The following ARMC9 variants were observed in gnomAD, a reference collection of about 807,000 sequenced individuals.
The protein encoded by ARMC9 is lisH domain-containing protein ARMC9.
In ARMC9, 94 loss-of-function variants were observed where a neutral mutation model predicts 107.0. That is an observed-to-expected ratio of 0.88 (90% CI 0.74 to 1.04). ARMC9 has a LOEUF of 1.04. Ranked by LOEUF, ARMC9 falls within the 50% of genes least tolerant of loss-of-function variation. The pLI is 0.00. For synonymous variants in ARMC9, 380 were observed against 396.9 expected, an observed-to-expected ratio of 0.96 and a Z score of 0.51; for missense variants, 942 against 1,030.1, an observed-to-expected ratio of 0.91 and a Z score of 1.17.
At chr2:231,367,666 A>G (rs767157604) in intron 23 of ARMC9, among the ~76,000 whole-genome samples, 1 of 152,200 alleles carries the variant, frequency 6.6e-6, no homozygotes, top group Admixed American at 6.5e-5. Flanking sequence ...GGTAAATATT[A>G]TGGATATTTT....
At position 231,222,754 on chromosome 2, in the gene ARMC9, GAAGTT is replaced by G. The variant is rs2034271060; in HGVS notation, c.532_536del (p.Lys178AspfsTer9). On this transcript the variant is annotated frameshift_variant, in exon 6 of 25. Transcript: ENST00000611582. LOFTEE classifies it high-confidence loss of function. Reference sequence around the variant, plus strand: ...ATTCCTGGACTCCAGAGTTAAAGTTGAAGTTGATAAAGTTTCTAGCTTTAATATCT... The same window carrying G: ...ATTCCTGGACTCCAGAGTTAAAGTTGGATAAAGTTTCTAGCTTTAATATCT... 2.5e-6 allele frequency: 4 copies of G among 1,580,600 alleles called. No homozygotes were observed. The highest frequency in any genetic ancestry group is 1.7e-5 in the Admixed American group (1 of 59,192).
intron 4 of ARMC9, among the ~76,000 whole-genome samples, chr2:231,216,346 G>C (rs540161931): frequency 6.6e-6 from 1 of 152,312 alleles, no homozygotes; most frequent in East Asian, 1.9e-4. Flanking sequence ...GTTTTGTCCT[G>C]CCATTAAAAA....
chr2:231,273,144 A>G, intron 14 of ARMC9, 66 bp downstream of exon 14: 1 of 1,556,416 alleles, frequency 6.4e-7, no homozygotes, highest in Non-Finnish European at 8.7e-7. Context: ...TTCCCATGGC[A>G]ACCCAGGAGG....
At chr2:231,338,132 G>A (rs961208776) in intron 20 of ARMC9, among the ~76,000 whole-genome samples, 15 of 152,132 alleles carry the variant, frequency 9.9e-5, no homozygotes, top group East Asian at 7.7e-4. Context: ...CTTGGGAGGC[G>A]TCCTCTAAAA....
chr2:231,241,880 C>G (rs1480244962), intron 9 of ARMC9, among the ~76,000 whole-genome samples: 1 of 151,832 alleles, frequency 6.6e-6, no homozygotes, highest in Non-Finnish European at 1.5e-5. Context: ...GCAGTCTGTG[C>G]AAAAAGGGAA....
At chr2:231,303,231 GTTGTTTTGTT>G (rs58483943) in intron 19 of ARMC9, among the ~76,000 whole-genome samples, 162 of 152,022 alleles carry the variant, frequency 1.1e-3, no homozygotes, top group Non-Finnish European at 1.5e-3. Flanking sequence ...GTTTGTTTGG[GTTGTTTTGTT>G]TTGTTTTGTT....
chr2:231,337,288 ATATTTTTTT>A (rs2125568370), intron 20 of ARMC9, among the ~76,000 whole-genome samples: 1 of 52,306 alleles, frequency 1.9e-5, no homozygotes, highest in African/African-American at 7.6e-5. Context: ...ATATATATAT[ATATTTTTTT>A]TTTTTTTTTT....
At position 231,284,078 on chromosome 2, in the gene ARMC9, A is replaced by G. The variant is rs2040412274; in HGVS notation, c.1626+1945A>G. On this transcript the variant is annotated intron_variant, in intron 17 of 24. Coordinates refer to ENST00000611582, the MANE Select transcript of ARMC9 (RefSeq NM_001352754.2). ...GTAACAACATTTTGGTCAACAAAAG[A>G]CTGCATATGTGATAATGGTCCAATA... Among the ~76,000 whole-genome samples the G allele has an allele frequency of 2.0e-5, 3 of 152,222 alleles. No individual in the cohort carries two copies. In the South Asian group the frequency reaches 6.2e-4, roughly 32 times the overall value.
In ARMC9 at chr2:231,345,041, C is replaced by A; in HGVS notation, c.1945C>A (p.Pro649Thr). 6.2e-7 allele frequency: 1 copy of A among 1,613,936 alleles called. No homozygotes were observed. The change falls in exon 21 of 25, where the codon CCC (proline) becomes ACC (threonine). Residue 649 changes from proline to threonine, a missense_variant. Physicochemically the swap from Pro to Thr is conservative, Grantham distance 38 (BLOSUM62 -1). Coordinates refer to ENST00000611582, the MANE Select transcript of ARMC9 (RefSeq NM_001352754.2). Reference sequence around the variant, plus strand: ...TAATGTGCAGTGGAGCGGGGATGAGCCCCTGCAAAGGCCCGTCACCCCCGG... The same window carrying A: ...TAATGTGCAGTGGAGCGGGGATGAGACCCTGCAAAGGCCCGTCACCCCCGG... Reference protein sequence around the residue: ...LANVQWSGDEPLQRPVTPGGH... With the variant: ...LANVQWSGDETLQRPVTPGGH...
At chr2:231,316,613 C>T (rs2042696176) in intron 19 of ARMC9, among the ~76,000 whole-genome samples, 1 of 148,522 alleles carries the variant, frequency 6.7e-6, no homozygotes. Context: ...TGCAATGAGC[C>T]GAGATCATAC....
At chr2:231,222,348 C>G (rs1426536802) in intron 5 of ARMC9, among the ~76,000 whole-genome samples, 3 of 152,232 alleles carry the variant, frequency 2.0e-5, no homozygotes, top group East Asian at 3.9e-4. Flanking sequence ...CTCTCAGTAA[C>G]TTAGTGATAA....
At chr2:231,355,739 CGGCAG>C in intron 21 of ARMC9, 54 bp from the exon 22 acceptor site, 1 of 1,485,964 alleles carries the variant, frequency 6.7e-7, no homozygotes, top group African/African-American at 1.4e-5. Flanking sequence ...AGTCGGCAGT[CGGCAG>C]TCCGAATCTC....
chr2:231,370,182 G>C, intron 24 of ARMC9, 57 bp downstream of exon 24: 1 of 1,451,220 alleles, frequency 6.9e-7, no homozygotes, highest in Non-Finnish European at 9.1e-7. Flanking sequence ...AACCTGCAGG[G>C]AAGGGCATTT....
At chr2:231,359,297 G>A (rs1196357460) in intron 22 of ARMC9, among the ~76,000 whole-genome samples, 1 of 151,878 alleles carries the variant, frequency 6.6e-6, no homozygotes, top group Non-Finnish European at 1.5e-5. Flanking sequence ...ATGTTGGCCA[G>A]GCTGGTCTCA....
At chr2:231,200,251 G>A (rs546435890) in intron 1 of ARMC9, among the ~76,000 whole-genome samples, 1 of 152,168 alleles carries the variant, frequency 6.6e-6, no homozygotes, top group South Asian at 2.1e-4. Context: ...CCCGTTCCAG[G>A]GCCTTTAAAA....
chr2:231,222,700 T>C, intron 5 of ARMC9, 28 bp from the exon 6 acceptor site: 1 of 1,259,520 alleles, frequency 7.9e-7, no homozygotes. Context: ...AATCTAATGT[T>C]TGTATTTTTG....
intron 6 of ARMC9, among the ~76,000 whole-genome samples, chr2:231,225,253 G>C (rs1453007801): frequency 6.6e-6 from 1 of 152,084 alleles, no homozygotes; most frequent in East Asian, 1.9e-4. Context: ...TCATTAAATA[G>C]CCTTCAAAAG....
chr2:231,258,459 G>A (rs1313597652), intron 10 of ARMC9, among the ~76,000 whole-genome samples: 2 of 152,158 alleles, frequency 1.3e-5, no homozygotes, highest in Admixed American at 6.5e-5. Flanking sequence ...GGGATTACAG[G>A]CCTGAGCCAC....
At chr2:231,341,740 A>G (rs1306909760) in intron 20 of ARMC9, among the ~76,000 whole-genome samples, 1 of 151,910 alleles carries the variant, frequency 6.6e-6, no homozygotes, top group Non-Finnish European at 1.5e-5. Context: ...GTGATTCACA[A>G]ATACTCAAAA....
Sources: allele counts gnomAD v4.1 joint callset (sites outside exome capture counted in the v4.1 genomes callset), GRCh38; gene constraint gnomAD v4.1.1; transcripts MANE v1.5; gene names NCBI Gene and HGNC (gene_info 2026-07-23, HGNC 2026-07-21).